Variants in ATXN1 observed in about 807,000 individuals in gnomAD.
The protein encoded by ATXN1 is ataxin 1, also known as ataxin-1.
In ATXN1, 8 loss-of-function variants were observed where a neutral mutation model predicts 56.4. That is an observed-to-expected ratio of 0.14 (90% CI 0.08 to 0.26). The LOEUF (loss-of-function observed/expected upper bound fraction) is 0.26, where lower values mean the gene tolerates loss of function less well. ATXN1 is among the 10% of genes least tolerant of loss of function. The pLI is 1.00. For missense variants in ATXN1, 987 were observed against 1,106.5 expected (o/e 0.89, Z 1.53); for synonymous variants, 514 against 494.6 (o/e 1.04, Z -0.52).
At position 16,390,350 on chromosome 6, in the gene ATXN1, T is replaced by C. The variant is rs546255231; in HGVS notation, c.-160-61880A>G. Among the ~76,000 whole-genome samples the C allele has an allele frequency of 1.6e-4, 25 of 152,342 alleles. No individual in the cohort carries two copies. In the East Asian group the frequency reaches 4.8e-3, roughly 29 times the overall value. On this transcript the variant is annotated intron_variant, in intron 6 of 7. Coordinates refer to ENST00000436367, the MANE Select transcript of ATXN1 (RefSeq NM_001128164.2). ...TTTATTACCCTCCATGCCCTGCATC[T>C]TGGGCCCCACTGAGAGCTTTGCTGG...
At chr6:16,751,871 C>T (rs977406192) in intron 2 of ATXN1, among the ~76,000 whole-genome samples, 26 of 152,370 alleles carry the variant, frequency 1.7e-4, no homozygotes, top group African/African-American at 6.3e-4. Flanking sequence ...AGGTACTATT[C>T]TACCCACAGT....
chr6:16,488,697 G>C (rs1336515982), intron 5 of ATXN1, among the ~76,000 whole-genome samples: 2 of 152,172 alleles, frequency 1.3e-5, no homozygotes, highest in Admixed American at 6.5e-5. Context: ...AATGGAGTAA[G>C]TCTGAAAGCC....
chr6:16,690,759 CCA>C, intron 2 of ATXN1, among the ~76,000 whole-genome samples: 1 of 152,190 alleles, frequency 6.6e-6, no homozygotes, highest in East Asian at 1.9e-4. Context: ...ACCTGCCGAG[CCA>C]CAGTTACCCA....
At chr6:16,398,983 G>A (rs1758510932) in intron 6 of ATXN1, among the ~76,000 whole-genome samples, 1 of 152,192 alleles carries the variant, frequency 6.6e-6, no homozygotes, top group Admixed American at 6.5e-5. Context: ...ATGAGAGGAC[G>A]ATCGTGTGCT....
intron 6 of ATXN1, among the ~76,000 whole-genome samples, chr6:16,358,391 T>C (rs984388873): frequency 6.6e-6 from 1 of 152,194 alleles, no homozygotes; most frequent in African/African-American, 2.4e-5. Context: ...ATTGCAGAAA[T>C]ATGGAACCAG....
intron 4 of ATXN1, among the ~76,000 whole-genome samples, chr6:16,584,749 G>A (rs1162972184): frequency 1.3e-5 from 2 of 151,680 alleles, no homozygotes; most frequent in East Asian, 1.9e-4. Flanking sequence ...TTAAGTAGAC[G>A]CTCTCATAAA....
intron 6 of ATXN1, among the ~76,000 whole-genome samples, chr6:16,380,426 T>C (rs1299831966): frequency 6.6e-6 from 1 of 152,164 alleles, no homozygotes; most frequent in African/African-American, 2.4e-5. Context: ...TGTCTGGATT[T>C]CTGTGTTTAG....
intron 4 of ATXN1, among the ~76,000 whole-genome samples, chr6:16,571,458 T>C (rs1048942749): frequency 7.2e-5 from 11 of 152,174 alleles, no homozygotes; most frequent in African/African-American, 2.7e-4. Context: ...ATGTCCGCTC[T>C]ACAAAAGATG....
At chr6:16,716,099 C>A (rs569923207) in intron 2 of ATXN1, among the ~76,000 whole-genome samples, 157 of 152,300 alleles carry the variant, frequency 1.0e-3, no homozygotes, top group African/African-American at 3.5e-3. Flanking sequence ...CATATGATCA[C>A]AGTCCTATGA....
chr6:16,327,480 G>A lies in ATXN1; in HGVS notation c.831C>T (p.Ile277=). The A allele has an allele frequency of 1.2e-6, 2 of 1,613,388 alleles. No homozygotes were observed. Among genetic ancestry groups the A allele is most frequent in the East Asian group, 2.2e-5 (1 of 44,876 alleles). Residue 277 remains isoleucine, a synonymous_variant, in exon 7 of 8, where the codon ATC becomes ATT. Coordinates refer to ENST00000436367, the MANE Select transcript of ATXN1 (RefSeq NM_001128164.2). ...GGGGCCCCAGGGTGAGCGTGTGTGGGATCATCGTCTGGTGGGGGTGGAGGT... is the reference window on the plus strand; with the variant it reads ...GGGGCCCCAGGGTGAGCGTGTGTGGAATCATCGTCTGGTGGGGGTGGAGGT... ...PVHLHPHQTM[I]PHTLTLGPPS... is the part of the protein sequence containing the mutation.
At position 16,674,830 on chromosome 6, in the gene ATXN1, C is replaced by T. The variant is rs79504485; in HGVS notation, c.-614-16929G>A. On this transcript the variant is annotated intron_variant, in intron 2 of 7. Transcript: ENST00000436367. The stretch of plus-strand genomic sequence containing the variant: ...GAGATCCTGGGAAATGGCCACTGTA[C>T]TGGAGTAAGAAATCAATGCTCCTAG... Among the ~76,000 whole-genome samples the T allele has an allele frequency of 2.4e-3, 367 of 152,256 alleles. 1 individual carries two copies. Among genetic ancestry groups the T allele is most frequent in the African/African-American group, 8.2e-3 (341 of 41,542 alleles).
chr6:16,499,189 A>G (rs28674533), intron 5 of ATXN1, among the ~76,000 whole-genome samples: 25 of 152,170 alleles, frequency 1.6e-4, no homozygotes, highest in African/African-American at 5.8e-4. Flanking sequence ...GGTGTGAGGT[A>G]AGGGTTCAAC....
At chr6:16,704,379 A>G (rs933336011) in intron 2 of ATXN1, among the ~76,000 whole-genome samples, 4 of 152,120 alleles carry the variant, frequency 2.6e-5, no homozygotes, top group Non-Finnish European at 5.9e-5. Context: ...AAGTGCTACA[A>G]ATCACTACTA....
intron 1 of ATXN1, among the ~76,000 whole-genome samples, chr6:16,759,033 G>A (rs1760976754): frequency 6.6e-6 from 1 of 152,148 alleles, no homozygotes; most frequent in African/African-American, 2.4e-5. Context: ...ATAAACCGAA[G>A]GGTGGGCTTA....
In ATXN1 at chr6:16,300,593, A is replaced by C. The variant is rs16877817; in HGVS notation, c.*5736T>G. Reference sequence around the variant, plus strand: ...ATAAAAATCAAAATAAAACTAAAATAAAATGAGGCATTTACATTGAAATCA... The same window carrying C: ...ATAAAAATCAAAATAAAACTAAAATCAAATGAGGCATTTACATTGAAATCA... On this transcript the variant is annotated 3_prime_UTR_variant, in exon 8 of 8. Coordinates refer to ENST00000436367, the MANE Select transcript of ATXN1 (RefSeq NM_001128164.2). 0.18 allele frequency: 28,006 copies of C among 152,372 alleles called. 2,781 individuals are homozygous for C. The highest frequency in any genetic ancestry group is 0.36 in the East Asian group (1,843 of 5,166). The allele number at this position is 152,372 out of a possible 1,614,324, so 9.4% of individuals were successfully genotyped here. A position where few individuals can be genotyped will look rare whatever the true frequency, so the allele number is the denominator to read the frequency against.
intron 6 of ATXN1, among the ~76,000 whole-genome samples, chr6:16,432,326 T>C (rs1759302995): frequency 6.6e-6 from 1 of 152,194 alleles, no homozygotes; most frequent in Non-Finnish European, 1.5e-5. Context: ...ATGCTGAGAA[T>C]ATCATCATGA....
rs192175929 is a variant in ATXN1, at chr6:16,432,996, A to C, written c.-161+52976T>G. ...CAATAATTCTGCTTGAAAGAAGTGC[A>C]AAGAAGGTCTTTTGCTGTGCAGCAT... is the stretch of plus-strand genomic sequence containing the variant. On this transcript the variant is annotated intron_variant, in intron 6 of 7. Transcript: ENST00000436367. 3 of 152,330 alleles carry C rather than the reference A, an allele frequency of 2.0e-5. No homozygotes were observed. The East Asian group carries it at 5.8e-4, about 29-fold the overall frequency. 9.4% of individuals were successfully genotyped at this position (152,330 alleles called of 1,614,324 possible). A position where few individuals can be genotyped will look rare whatever the true frequency, so the allele number is the denominator to read the frequency against.
At chr6:16,473,210 AC>A (rs1760256762) in intron 6 of ATXN1, among the ~76,000 whole-genome samples, 1 of 152,188 alleles carries the variant, frequency 6.6e-6, no homozygotes, top group Non-Finnish European at 1.5e-5. Context: ...TATAAAAGAT[AC>A]CACTTCCAAC....
chr6:16,731,980 T>C (rs1039414992), intron 2 of ATXN1, among the ~76,000 whole-genome samples: 1 of 152,196 alleles, frequency 6.6e-6, no homozygotes, highest in African/African-American at 2.4e-5. Flanking sequence ...AAAAGTACTT[T>C]AGAGTACTCA....
Sources: allele counts gnomAD v4.1 joint callset (sites outside exome capture counted in the v4.1 genomes callset), GRCh38; gene constraint gnomAD v4.1.1; transcripts MANE v1.5; gene names NCBI Gene and HGNC (gene_info 2026-07-23, HGNC 2026-07-21).